The following THRAP3 variants were observed in gnomAD, a reference collection of about 807,000 sequenced individuals.
The protein encoded by THRAP3 is thyroid hormone receptor-associated protein 3.
THRAP3 carries 16 observed loss-of-function variants against 101.0 expected under a neutral mutation model. The ratio of observed to expected loss-of-function variants is 0.16; its 90% CI spans 0.11 to 0.24. The LOEUF (loss-of-function observed/expected upper bound fraction) is 0.24, where lower values mean the gene tolerates loss of function less well. Among genes scored for constraint, THRAP3 ranks in the 10% least tolerant of loss-of-function variants. The pLI, the probability that THRAP3 is intolerant of heterozygous loss-of-function variation, is 1.00. For missense variants in THRAP3, 989 were observed against 1,202.7 expected, an observed-to-expected ratio of 0.82 and a Z score of 2.63; for synonymous variants, 407 against 422.6, an observed-to-expected ratio of 0.96 and a Z score of 0.45.
chr1:36,299,810 G>C (rs2124644003), intron 9 of THRAP3, among the ~76,000 whole-genome samples: 1 of 152,300 alleles, frequency 6.6e-6, no homozygotes, highest in East Asian at 1.9e-4. Context: ...CGCCCGGCCA[G>C]AGACTCTTAT....
At chr1:36,243,645 CCCTTCG>C (rs1243519678) in intron 1 of THRAP3, among the ~76,000 whole-genome samples, 141 of 152,366 alleles carry the variant, frequency 9.3e-4, no homozygotes, top group Middle Eastern at 6.8e-3. Flanking sequence ...CCTTTCCCCA[CCCTTCG>C]CCCCCTTCTA....
At chr1:36,256,840 G>A (rs1645382272) in intron 1 of THRAP3, among the ~76,000 whole-genome samples, 1 of 151,980 alleles carries the variant, frequency 6.6e-6, no homozygotes, top group South Asian at 2.1e-4. Context: ...TTGTTGTCCA[G>A]GCTGGAGTGC....
chr1:36,228,978 C>T (rs780753669), intron 1 of THRAP3, among the ~76,000 whole-genome samples: 8 of 152,012 alleles, frequency 5.3e-5, no homozygotes, highest in Admixed American at 3.9e-4. Context: ...CCAGCCTGGG[C>T]GACAGAGCCA....
In THRAP3 at chr1:36,259,488, A is replaced by G. The variant is rs1645416604; in HGVS notation, c.-32+4A>G. 1 of 398,606 alleles carries G rather than the reference A, an allele frequency of 2.5e-6. No homozygotes were observed. The highest frequency in any genetic ancestry group is 4.4e-5 in the Admixed American group (1 of 22,732). The allele number at this position is 398,606 out of a possible 1,614,324, so 24.7% of individuals were successfully genotyped here. On this transcript the variant is annotated splice_donor_region_variant and intron_variant, in intron 2 of 11. Coordinates refer to ENST00000354618, the MANE Select transcript of THRAP3 (RefSeq NM_005119.4). ...GTTGAATCATTGTTCAAATAAGGTA[A>G]AAGCATGGTGGTAAAAGAAACTAAT...
chr1:36,243,624 G>T (rs1027981958), intron 1 of THRAP3, among the ~76,000 whole-genome samples: 2 of 152,270 alleles, frequency 1.3e-5, no homozygotes, highest in African/African-American at 4.8e-5. Flanking sequence ...GCAACCATCC[G>T]ACTTCTCAAT....
chr1:36,292,252 G>GTT (rs1557453511), intron 6 of THRAP3, among the ~76,000 whole-genome samples: 1 of 57,504 alleles, frequency 1.7e-5, no homozygotes, highest in Admixed American at 3.3e-4. Context: ...AACATAATGT[G>GTT]TTTCTTTGTT....
intron 2 of THRAP3, among the ~76,000 whole-genome samples, chr1:36,272,794 G>A (rs532766670): frequency 6.6e-6 from 1 of 152,126 alleles, no homozygotes; most frequent in African/African-American, 2.4e-5. Flanking sequence ...TTGTTCAAAC[G>A]TGGCACTAGT....
chr1:36,269,681 T>C (rs1235423920), intron 2 of THRAP3, among the ~76,000 whole-genome samples: 1 of 152,030 alleles, frequency 6.6e-6, no homozygotes, highest in Non-Finnish European at 1.5e-5. Context: ...AGCCATCCTC[T>C]TACCTCAGCC....
chr1:36,268,198 GAATT>G (rs1160584575), intron 2 of THRAP3, among the ~76,000 whole-genome samples: 1 of 151,710 alleles, frequency 6.6e-6, no homozygotes, highest in African/African-American at 2.4e-5. Context: ...AAAAAGAAAG[GAATT>G]ACCCTTTTTC....
At chr1:36,269,688 A>C (rs1645563452) in intron 2 of THRAP3, among the ~76,000 whole-genome samples, 1 of 151,938 alleles carries the variant, frequency 6.6e-6, no homozygotes, top group African/African-American at 2.4e-5. Context: ...CTCTTACCTC[A>C]GCCTCCCAAG....
chr1:36,300,752 T>C (rs1646021262), intron 9 of THRAP3, 134 bp from the exon 10 acceptor site: 2 of 832,512 alleles, frequency 2.4e-6, no homozygotes, highest in Non-Finnish European at 1.9e-6. Context: ...TGAGCTGGCT[T>C]TATAAGGTTA....
chr1:36,228,963 G>T (rs977412288), intron 1 of THRAP3, among the ~76,000 whole-genome samples: 2 of 152,112 alleles, frequency 1.3e-5, no homozygotes, highest in African/African-American at 4.8e-5. Context: ...TTGCGGCACT[G>T]CACTCCAGCC....
At chr1:36,248,105 C>T (rs2124439249) in intron 1 of THRAP3, among the ~76,000 whole-genome samples, 1 of 152,262 alleles carries the variant, frequency 6.6e-6, no homozygotes. Context: ...GTCTTGAACT[C>T]CAGACCTCAG....
intron 2 of THRAP3, among the ~76,000 whole-genome samples, chr1:36,263,735 G>A (rs893797224): frequency 6.6e-6 from 1 of 152,170 alleles, no homozygotes; most frequent in African/African-American, 2.4e-5. Context: ...TTGCATAGAT[G>A]ATCCTGAGCT....
intron 1 of THRAP3, among the ~76,000 whole-genome samples, chr1:36,237,549 T>A (rs1645105587): frequency 6.7e-6 from 1 of 149,822 alleles, no homozygotes; most frequent in Admixed American, 6.7e-5. Flanking sequence ...GGCAGGCAGA[T>A]CACTTGAGGT....
Position 36,292,264 on chromosome 1 carries a change from C to CT in THRAP3, c.1919-309dup, listed in dbSNP as rs774003081. 8.1e-3 allele frequency among the ~76,000 whole-genome samples: 167 copies of CT among 20,556 alleles called. 9 individuals carry two copies. The highest frequency in any genetic ancestry group is 0.022 in the African/African-American group (158 of 7,064). The allele number at this position is 20,556 out of a possible 152,430, so 13.5% of individuals were successfully genotyped here. On this transcript the variant is annotated intron_variant, in intron 6 of 11. Coordinates refer to ENST00000354618, the MANE Select transcript of THRAP3 (RefSeq NM_005119.4). ...GGTAACATAATGTGTTTCTTTGTTTCTTTTTTTTTTTTTTTTTTTTTTTTT... is the reference window on the plus strand; with the variant it reads ...GGTAACATAATGTGTTTCTTTGTTTCTTTTTTTTTTTTTTTTTTTTTTTTTT...
At chr1:36,256,443 T>G (rs1442938911) in intron 1 of THRAP3, among the ~76,000 whole-genome samples, 1 of 151,794 alleles carries the variant, frequency 6.6e-6, no homozygotes, top group Non-Finnish European at 1.5e-5. Flanking sequence ...GCCAGGATGG[T>G]CTCCATCTCC....
intron 1 of THRAP3, chr1:36,225,549 TATC>T (rs1399712806): frequency 2.0e-5 from 3 of 152,128 alleles, no homozygotes; most frequent in East Asian, 1.9e-4. Flanking sequence ...TAAAAAGTAA[TATC>T]ATCATTTATA....
chr1:36,288,652 G>A (rs1645826376), intron 4 of THRAP3: 1 of 985,306 alleles, frequency 1.0e-6, no homozygotes, highest in Admixed American at 6.2e-5. Flanking sequence ...AACAGTCCAA[G>A]GTTGAACATT....
Sources: allele counts gnomAD v4.1 joint callset (sites outside exome capture counted in the v4.1 genomes callset), GRCh38; gene constraint gnomAD v4.1.1; transcripts MANE v1.5; gene names NCBI Gene and HGNC (gene_info 2026-07-23, HGNC 2026-07-21).